The following OSMR variants were observed in gnomAD, a reference collection of about 807,000 sequenced individuals.
The protein encoded by OSMR is oncostatin-M-specific receptor subunit beta.
A neutral mutation model predicts 99.9 loss-of-function variants in OSMR; 81 were observed. The observed-to-expected ratio is 0.81, with a 90% confidence interval of 0.68 to 0.97. The LOEUF is 0.97. Ranked by LOEUF, OSMR falls within the 50% of genes least tolerant of loss-of-function variation. OSMR has a pLI of 0.00. For missense variants in OSMR, 1,099 were observed against 1,153.4 expected, an observed-to-expected ratio of 0.95 and a Z score of 0.68; for synonymous variants, 406 against 410.4, an observed-to-expected ratio of 0.99 and a Z score of 0.13.
At chr5:38,873,512 G>T (rs1348275642) in intron 2 of OSMR, among the ~76,000 whole-genome samples, 1 of 152,132 alleles carries the variant, frequency 6.6e-6, no homozygotes, top group Non-Finnish European at 1.5e-5. Context: ...TGAAGACAGG[G>T]TCTCACTCTG....
chr5:38,861,669 G>A (rs1301499212), intron 1 of OSMR, among the ~76,000 whole-genome samples: 1 of 151,914 alleles, frequency 6.6e-6, no homozygotes, highest in Non-Finnish European at 1.5e-5. Flanking sequence ...CGGGCAGAGG[G>A]GCTCCTCACT....
chr5:38,926,128 A>C (rs1484108070), intron 15 of OSMR, among the ~76,000 whole-genome samples: 1 of 152,244 alleles, frequency 6.6e-6, no homozygotes, highest in Admixed American at 6.5e-5. Context: ...AGAGGAGAAA[A>C]GAATATCTTC....
In OSMR at chr5:38,869,076, T is replaced by G. The variant is rs761865578; in HGVS notation, c.32T>G (p.Phe11Cys). 3.4e-5 allele frequency: 55 copies of G among 1,613,742 alleles called. 2 individuals are homozygous for G. The South Asian group carries it at 5.7e-4, about 17-fold the overall frequency. Residue 11 changes from phenylalanine (F) to cysteine (C), a missense_variant, in exon 2 of 18, where the codon TTC becomes TGC. By Grantham distance (205) the Phe-to-Cys change is radical. Transcript: ENST00000274276. ...CTATTTGCAGTCTTTCAGACAACAT[T>G]CTTCTTAACATTGCTGTCCTTGAGG... The part of the protein sequence containing the change: MALFAVFQTT[F>C]FLTLLSLRTY...
intron 1 of OSMR, chr5:38,942,452 A>ATTTTTT: frequency 5.3e-6 from 3 of 564,332 alleles, no homozygotes; most frequent in East Asian, 3.7e-5. Flanking sequence ...TAAATATCTA[A>ATTTTTT]TTTTTTTTTT....
At chr5:38,945,382 C>T, downstream of OSMR, 5 of 724,078 alleles carry the variant, frequency 6.9e-6, no homozygotes, top group Non-Finnish European at 1.2e-5. Flanking sequence ...TGCTGCAGCT[C>T]ACCAGCTGGG....
chr5:38,928,898 T>TAC (rs997516472), intron 15 of OSMR, among the ~76,000 whole-genome samples: 6 of 151,894 alleles, frequency 4.0e-5, no homozygotes, highest in East Asian at 1.9e-4. Flanking sequence ...TTACTTGGTA[T>TAC]ACACACACAC....
At chr5:38,902,057 G>T (rs1274778484) in intron 7 of OSMR, among the ~76,000 whole-genome samples, 1 of 152,204 alleles carries the variant, frequency 6.6e-6, no homozygotes, top group Admixed American at 6.5e-5. Flanking sequence ...CCATGCCCTG[G>T]AGAGCCTTTT....
intron 1 of OSMR, among the ~76,000 whole-genome samples, chr5:38,855,057 C>T (rs534957549): frequency 3.5e-4 from 54 of 152,304 alleles, no homozygotes; most frequent in African/African-American, 1.1e-3. Context: ...GTTGTCCCGG[C>T]CAGAGCAGCA....
chr5:38,944,852 C>A, intron 2 of OSMR: 2 of 1,510,438 alleles, frequency 1.3e-6, no homozygotes, highest in Admixed American at 3.7e-5. Context: ...AAAAACAAAA[C>A]AAAACCAACT....
intron 2 of OSMR, among the ~76,000 whole-genome samples, chr5:38,870,704 G>A (rs1742321110): frequency 6.6e-6 from 1 of 152,234 alleles, no homozygotes; most frequent in African/African-American, 2.4e-5. Context: ...GGAGTAGAAA[G>A]TGGGCACTTT....
At chr5:38,905,375 G>T (rs1293113973) in intron 9 of OSMR, among the ~76,000 whole-genome samples, 2 of 152,034 alleles carry the variant, frequency 1.3e-5, no homozygotes, top group Admixed American at 1.3e-4. Flanking sequence ...TGTAATCCCA[G>T]CTACTCGGGA....
At chr5:38,943,649 C>T (rs183938727) in intron 1 of OSMR, among the ~76,000 whole-genome samples, 21 of 152,144 alleles carry the variant, frequency 1.4e-4, no homozygotes, top group African/African-American at 4.8e-4. Flanking sequence ...TCTGTTTCTA[C>T]TAAAAATACA....
chr5:38,925,361 G>A lies in OSMR; in HGVS notation c.2202G>A (p.Pro734=), dbSNP rs748196253. ...PSATFTKVTT[P]DEHSSMLIHI... is the part of the protein sequence containing the mutation. ...CTACGTTCACGAAGGTCACGACTCCGGATGAACACTGTGAGTTTTCCCAAA... is the reference window on the plus strand; with the variant it reads ...CTACGTTCACGAAGGTCACGACTCCAGATGAACACTGTGAGTTTTCCCAAA... Residue 734 remains proline (P), a synonymous_variant, in exon 15 of 18, where the codon CCG becomes CCA. Transcript: ENST00000274276. 1.7e-5 allele frequency: 27 copies of A among 1,613,448 alleles called. No individual in the cohort carries two copies. Among genetic ancestry groups the A allele is most frequent in the Middle Eastern group, 3.3e-4 (2 of 6,084 alleles).
chr5:38,880,123 G>A (rs544533738), intron 3 of OSMR, among the ~76,000 whole-genome samples: 1 of 152,280 alleles, frequency 6.6e-6, no homozygotes, highest in African/African-American at 2.4e-5. Context: ...GGGTGGACCA[G>A]GATGTTTTCA....
intron 3 of OSMR, among the ~76,000 whole-genome samples, chr5:38,879,097 CCTT>C (rs1743061278): frequency 6.6e-6 from 1 of 152,214 alleles, no homozygotes; most frequent in Non-Finnish European, 1.5e-5. Context: ...TTAGGCCTCA[CCTT>C]CTCCCACAAT....
At chr5:38,863,033 G>A (rs916010005) in intron 1 of OSMR, among the ~76,000 whole-genome samples, 20 of 151,914 alleles carry the variant, frequency 1.3e-4, no homozygotes, top group African/African-American at 3.4e-4. Flanking sequence ...GCGTGGCGGC[G>A]TGCGCCTGCA....
chr5:38,862,197 C>A (rs1427354512), intron 1 of OSMR, among the ~76,000 whole-genome samples: 1 of 118,600 alleles, frequency 8.4e-6, no homozygotes, highest in African/African-American at 3.3e-5. Context: ...GGCGGCCGGG[C>A]AGAGGCGCCC....
intron 7 of OSMR, among the ~76,000 whole-genome samples, chr5:38,888,693 A>G (rs1181882719): frequency 1.3e-5 from 2 of 152,210 alleles, no homozygotes; most frequent in Non-Finnish European, 2.9e-5. Context: ...GTCAGAGCAC[A>G]TAGATATTAC....
At chr5:38,867,621 G>C (rs1310038808) in intron 1 of OSMR, among the ~76,000 whole-genome samples, 1 of 152,184 alleles carries the variant, frequency 6.6e-6, no homozygotes, top group Non-Finnish European at 1.5e-5. Context: ...GATGTCCTCA[G>C]ATTTTTCCCG....
Sources: allele counts gnomAD v4.1 joint callset (sites outside exome capture counted in the v4.1 genomes callset), GRCh38; gene constraint gnomAD v4.1.1; transcripts MANE v1.5; gene names NCBI Gene and HGNC (gene_info 2026-07-23, HGNC 2026-07-21).